MANSC1: variants seen among roughly 807,000 people sequenced by gnomAD.
MANSC1 encodes MANSC domain containing 1.
In MANSC1, 13 loss-of-function variants were observed where a neutral mutation model predicts 14.1. The ratio of observed to expected loss-of-function variants is 0.92; its 90% CI spans 0.60 to 1.46. The LOEUF (loss-of-function observed/expected upper bound fraction) is 1.46, where lower values mean the gene tolerates loss of function less well. Ranked by LOEUF, MANSC1 falls within the 40% of genes most tolerant of loss-of-function variation. MANSC1 has a pLI of 0.00. For missense variants in MANSC1, 486 were observed against 511.4 expected, an observed-to-expected ratio of 0.95 and a Z score of 0.48; for synonymous variants, 227 against 200.7, an observed-to-expected ratio of 1.13 and a Z score of -1.11.
intron 1 of MANSC1, among the ~76,000 whole-genome samples, chr12:12,345,795 A>G (rs968825581): frequency 6.6e-6 from 1 of 152,226 alleles, no homozygotes; most frequent in African/African-American, 2.4e-5. Context: ...TTTGTGAGAC[A>G]TATTTAAAAA....
chr12:12,335,530 G>A (rs1422991263), intron 3 of MANSC1, among the ~76,000 whole-genome samples: 48 of 151,508 alleles, frequency 3.2e-4, no homozygotes, highest in African/African-American at 1.1e-3. Context: ...TAGTAGAGAC[G>A]GGGTTTCACC....
At chr12:12,341,078 C>T (rs915872723) in intron 2 of MANSC1, among the ~76,000 whole-genome samples, 27 of 152,050 alleles carry the variant, frequency 1.8e-4, no homozygotes, top group African/African-American at 4.8e-4. Context: ...ATTATGGGCT[C>T]GGTATCACAA....
intron 1 of MANSC1, among the ~76,000 whole-genome samples, chr12:12,348,635 T>G (rs909044600): frequency 3.3e-5 from 5 of 151,058 alleles, no homozygotes; most frequent in African/African-American, 1.2e-4. Flanking sequence ...ATTGAACATC[T>G]GTCAAAACCC....
intron 2 of MANSC1, 185 bp from the exon 3 acceptor site, chr12:12,338,745 A>G: frequency 1.6e-6 from 1 of 623,450 alleles, no homozygotes; most frequent in Non-Finnish European, 2.7e-6. Context: ...ATTTTAAAAA[A>G]CATTGGGTTT....
rs186742583 is a variant in MANSC1, at chr12:12,331,851, G to A, written c.365-893C>T. ...GTGCGCAGAGGAGGGAGGCTATCTGGGAGATTTCATTTGGACTCTCAAAGA... is the reference window on the plus strand; with the variant it reads ...GTGCGCAGAGGAGGGAGGCTATCTGAGAGATTTCATTTGGACTCTCAAAGA... On this transcript the variant is annotated intron_variant, in intron 3 of 3. Transcript: ENST00000535902. 2.0e-3 allele frequency among the ~76,000 whole-genome samples: 311 copies of A among 152,238 alleles called. 4 individuals carry two copies. The highest frequency in any genetic ancestry group is 6.0e-3 in the African/African-American group (248 of 41,542).
intron 1 of MANSC1, among the ~76,000 whole-genome samples, chr12:12,344,261 T>C (rs997021131): frequency 6.6e-6 from 1 of 152,102 alleles, no homozygotes; most frequent in African/African-American, 2.4e-5. Flanking sequence ...ATACTGAGTG[T>C]CAACTTGATT....
chr12:12,333,197 C>T (rs1016036652), intron 3 of MANSC1, among the ~76,000 whole-genome samples: 1 of 151,978 alleles, frequency 6.6e-6, no homozygotes, highest in African/African-American at 2.4e-5. Context: ...CAATGCCATG[C>T]CACCATGCCC....
In MANSC1 at chr12:12,329,491, T is replaced by A. The variant is rs1862752007; in HGVS notation, c.*536A>T. The A allele has an allele frequency of 6.6e-6, 1 of 152,416 alleles. No homozygotes were observed. The highest frequency in any genetic ancestry group is 2.4e-5 in the African/African-American group (1 of 41,476). 9.4% of individuals were successfully genotyped at this position (152,416 alleles called of 1,614,324 possible). A position where few individuals can be genotyped will look rare whatever the true frequency, so the allele number is the denominator to read the frequency against. ...AATTTATATGGCAATTATACTTTAT[T>A]ACTTTACATAGAGCTTTGTTTTTAG... On this transcript the variant is annotated 3_prime_UTR_variant, in exon 4 of 4. Transcript: ENST00000535902.
intron 2 of MANSC1, 79 bp from the exon 3 acceptor site, chr12:12,338,639 A>G: frequency 7.5e-7 from 1 of 1,334,286 alleles, no homozygotes; most frequent in Non-Finnish European, 1.1e-6. Flanking sequence ...AACTTCACTT[A>G]TTATGGAGTC....
intron 1 of MANSC1, among the ~76,000 whole-genome samples, chr12:12,347,861 T>C (rs1183257258): frequency 6.6e-6 from 1 of 151,848 alleles, no homozygotes; most frequent in Admixed American, 6.6e-5. Flanking sequence ...GAGTTTGAGA[T>C]CAGCCTGACC....
At position 12,328,518 on chromosome 12, in the gene MANSC1, A is replaced by G. The variant is rs1019989444; in HGVS notation, c.*1509T>C. The G allele has an allele frequency of 3.3e-5, 5 of 151,430 alleles. No homozygotes were observed. The highest frequency in any genetic ancestry group is 1.2e-4 in the African/African-American group (5 of 41,186). The allele number at this position is 151,430 out of a possible 1,614,324, so 9.4% of individuals were successfully genotyped here. On this transcript the variant is annotated 3_prime_UTR_variant, in exon 4 of 4. Coordinates refer to ENST00000535902, the MANE Select transcript of MANSC1 (RefSeq NM_018050.4). ...TGATTTGCCCATCTCGGCCTCCCAA[A>G]GTGCTGGGATTACAGGCGTGAGCCA...
chr12:12,338,739 T>TA, intron 2 of MANSC1, 179 bp from the exon 3 acceptor site: 1 of 626,382 alleles, frequency 1.6e-6, no homozygotes, highest in Admixed American at 3.2e-5. Context: ...AAGGCAATTT[T>TA]AAAAAACATT....
chr12:12,335,669 C>T (rs1249970384), intron 3 of MANSC1, among the ~76,000 whole-genome samples: 2 of 151,318 alleles, frequency 1.3e-5, no homozygotes, highest in Non-Finnish European at 2.9e-5. Flanking sequence ...CATGGCGAGA[C>T]CATGTCTACT....
chr12:12,347,943 A>G (rs1863029681), intron 1 of MANSC1, among the ~76,000 whole-genome samples: 1 of 152,106 alleles, frequency 6.6e-6, no homozygotes, highest in Non-Finnish European at 1.5e-5. Flanking sequence ...GGTGCCTGTA[A>G]TCCCAGCTAC....
chr12:12,344,681 G>A (rs1180881886), intron 1 of MANSC1, among the ~76,000 whole-genome samples: 1 of 149,906 alleles, frequency 6.7e-6, no homozygotes, highest in Non-Finnish European at 1.5e-5. Flanking sequence ...GTGTTGGCCA[G>A]GATGATCTCG....
At chr12:12,334,811 C>T (rs547991374) in intron 3 of MANSC1, among the ~76,000 whole-genome samples, 1 of 152,164 alleles carries the variant, frequency 6.6e-6, no homozygotes. Context: ...CAATTATTTA[C>T]ACAATACTCT....
rs1487850991 is a variant in MANSC1 at position 12,343,164 on chromosome 12, C to G, written c.151G>C (p.Gly51Arg). ...GTTGAAGTATATACGGGCTCATTGC[C>G]TCTGATTCCCTTAGAAAGAGATGAC... ...IQSSLSKGIR[G>R]NEPVYTSTQE... The change falls in exon 2 of 4, where the codon GGC becomes CGC. Residue 51 changes from glycine (G) to arginine (R), a missense_variant. Transcript: ENST00000535902. The G allele has an allele frequency of 1.2e-6, 2 of 1,613,906 alleles. No individual in the cohort carries two copies. The highest frequency in any genetic ancestry group is 1.7e-6 in the Non-Finnish European group (2 of 1,179,916).
intron 1 of MANSC1, among the ~76,000 whole-genome samples, chr12:12,344,475 CTT>C (rs201589688): frequency 1.3e-4 from 18 of 141,944 alleles, no homozygotes; most frequent in East Asian, 2.1e-4. Flanking sequence ...CAGCCTATAT[CTT>C]TTTTTTTTTT....
chr12:12,345,313 T>G (rs1457456720), intron 1 of MANSC1, among the ~76,000 whole-genome samples: 2 of 120,120 alleles, frequency 1.7e-5, no homozygotes, highest in Non-Finnish European at 3.4e-5. Flanking sequence ...AGAGCAAAAC[T>G]CCGTCTCAAA....
Sources: allele counts gnomAD v4.1 joint callset (sites outside exome capture counted in the v4.1 genomes callset), GRCh38; gene constraint gnomAD v4.1.1; transcripts MANE v1.5; gene names NCBI Gene and HGNC (gene_info 2026-07-23, HGNC 2026-07-21).